The following DNA2 variants were observed in gnomAD, a reference collection of about 807,000 sequenced individuals.
DNA2 encodes DNA replication helicase/nuclease 2.
Under a neutral mutation model 119.1 loss-of-function variants are expected in DNA2, and 101 were observed. The observed-to-expected ratio is 0.85, with a 90% CI of 0.72 to 1.00. The LOEUF (loss-of-function observed/expected upper bound fraction) is 1.00. Among genes scored for constraint, DNA2 ranks in the 50% least tolerant of loss-of-function variants. DNA2 has a pLI of 0.00. For missense variants in DNA2, 1,121 were observed against 1,255.5 expected (o/e 0.89, Z 1.62); for synonymous variants, 366 against 424.4 (o/e 0.86, Z 1.69).
Position 68,431,953 on chromosome 10 carries a change from C to T in DNA2, c.1892G>A (p.Arg631Lys). The part of the protein sequence containing the change: ...CILKGLNKPQ[R>K]QAMKKVLLSK... ...AAGAAGTACCTTTTTCATCGCTTGC[C>T]TCTGAGGCTTATTCAAACCTACATT... Residue 631 changes from arginine to lysine, a missense_variant, in exon 13 of 21, where the codon AGG (arginine) becomes AAG (lysine). Coordinates refer to ENST00000358410, the MANE Select transcript of DNA2 (RefSeq NM_001080449.3). 6.2e-7 allele frequency: 1 copy of T among 1,612,738 alleles called. No homozygotes were observed. Among genetic ancestry groups the T allele is most frequent in the African/African-American group, 1.3e-5 (1 of 75,014 alleles).
intron 19 of DNA2, 116 bp downstream of exon 19, chr10:68,418,918 C>A: frequency 1.2e-6 from 1 of 832,226 alleles, no homozygotes; most frequent in Non-Finnish European, 1.8e-6. Flanking sequence ...GGTGATCCAC[C>A]CGCCTTGGCC....
chr10:68,439,603 C>T (rs971057052), intron 9 of DNA2, among the ~76,000 whole-genome samples: 4 of 150,906 alleles, frequency 2.7e-5, no homozygotes, highest in East Asian at 2.0e-4. Flanking sequence ...TTTGGGAGGC[C>T]GAAGCGTGTG....
chr10:68,437,194 A>T lies in DNA2; in HGVS notation c.1463T>A (p.Val488Glu). 1 of 1,613,060 alleles carries T rather than the reference A, an allele frequency of 6.2e-7. No individual in the cohort carries two copies. The highest frequency in any genetic ancestry group is 8.5e-7 in the Non-Finnish European group (1 of 1,179,118). The change falls in exon 10 of 21, where the codon GTA (valine) becomes GAA (glutamate). Residue 488 changes from valine to glutamate, a missense_variant. By Grantham distance (121) the Val-to-Glu change is moderately radical. Coordinates refer to ENST00000358410, the MANE Select transcript of DNA2 (RefSeq NM_001080449.3). ...CIGNLIRMEH[V>E]KIVCDGQYLH... ...ATATTGCCCATCACAAACTATCTTTACATGTTCCATTCTAATCAGGTTTCC... is the reference window on the plus strand; with the variant it reads ...ATATTGCCCATCACAAACTATCTTTTCATGTTCCATTCTAATCAGGTTTCC...
At chr10:68,463,443 CAAA>C (rs35470662) in intron 4 of DNA2, among the ~76,000 whole-genome samples, 6 of 59,446 alleles carry the variant, frequency 1.0e-4, no homozygotes, top group East Asian at 5.3e-4. Flanking sequence ...GACTCCATCT[CAAA>C]AAAAAAAAAA....
chr10:68,463,316 C>T (rs1347034196), intron 4 of DNA2, among the ~76,000 whole-genome samples: 1 of 151,630 alleles, frequency 6.6e-6, no homozygotes, highest in Non-Finnish European at 1.5e-5. Flanking sequence ...TGGTGGCGGC[C>T]GCCTGTAGTC....
chr10:68,463,456 A>C (rs1190806153), intron 4 of DNA2, among the ~76,000 whole-genome samples: 2 of 150,592 alleles, frequency 1.3e-5, no homozygotes, highest in Non-Finnish European at 2.9e-5. Flanking sequence ...AAAAAAAAAA[A>C]AAAAAAGATG....
At position 68,460,943 on chromosome 10, in the gene DNA2, G is replaced by A. The variant is rs536677075; in HGVS notation, c.588-1708C>T. ...AAAAAATCCAAATAACACTGAAACAGTGACATGACATCAAATTTCAGATAA... is the reference window on the plus strand; with the variant it reads ...AAAAAATCCAAATAACACTGAAACAATGACATGACATCAAATTTCAGATAA... On this transcript the variant is annotated intron_variant, in intron 4 of 20. Coordinates refer to ENST00000358410, the MANE Select transcript of DNA2 (RefSeq NM_001080449.3). Among the ~76,000 whole-genome samples, 6 of 151,692 alleles carry A rather than the reference G, an allele frequency of 4.0e-5. No individual in the cohort carries two copies. The South Asian group carries it at 1.2e-3, about 32-fold the overall frequency.
intron 20 of DNA2, 23 bp downstream of exon 20, chr10:68,416,686 C>T (rs1168069889): frequency 2.5e-6 from 4 of 1,597,996 alleles, no homozygotes; most frequent in Non-Finnish European, 2.6e-6. Flanking sequence ...CAAATGTGAC[C>T]ATATACAGAA....
chr10:68,418,191 A>G (rs1228294323), intron 19 of DNA2, among the ~76,000 whole-genome samples: 3 of 152,292 alleles, frequency 2.0e-5, no homozygotes, highest in South Asian at 4.1e-4. Flanking sequence ...AGGCAGGTGG[A>G]TCATCTGAGG....
rs188809720 is a variant in DNA2 at position 68,429,666 on chromosome 10, C to T, written c.2208+770G>A. On this transcript the variant is annotated intron_variant, in intron 14 of 20. Transcript: ENST00000358410. Reference sequence around the variant, plus strand: ...GGCGAAGCTTGCAGTGAGCCAGGATCGCGCCACTGCACTCCAGCCTGGGTG... The same window carrying T: ...GGCGAAGCTTGCAGTGAGCCAGGATTGCGCCACTGCACTCCAGCCTGGGTG... Among the ~76,000 whole-genome samples the T allele has an allele frequency of 1.5e-3, 174 of 118,480 alleles. 1 individual carries two copies. In the East Asian group the frequency reaches 0.039, roughly 26 times the overall value. 77.7% of individuals were successfully genotyped at this position (118,480 alleles called of 152,430 possible).
intron 19 of DNA2, among the ~76,000 whole-genome samples, chr10:68,417,559 T>C (rs1040478529): frequency 2.0e-5 from 3 of 148,722 alleles, no homozygotes; most frequent in Non-Finnish European, 3.0e-5. Context: ...GAGGCTGAGA[T>C]GGGAGAATCA....
At chr10:68,424,630 A>T in intron 14 of DNA2, 1 of 1,570,724 alleles carries the variant, frequency 6.4e-7, no homozygotes. Context: ...GCCCCCTTGC[A>T]CGTGCACCGG....
chr10:68,430,488 C>G lies in DNA2; in HGVS notation c.2156G>C (p.Arg719Thr). 1 of 1,611,686 alleles carries G rather than the reference C, an allele frequency of 6.2e-7. No individual in the cohort carries two copies. Among genetic ancestry groups the G allele is most frequent in the Non-Finnish European group, 8.5e-7 (1 of 1,178,866 alleles). The stretch of plus-strand genomic sequence containing the variant: ...AGCTAAGGATTTAATGGACTTTGAT[C>G]TGCAAATTTCTTGCTCTGTAAATTG... ...IQQFTEQEIC[R>T]SKSIKSLALL... The change falls in exon 14 of 21, where the codon AGA (arginine) becomes ACA (threonine). Residue 719 changes from arginine to threonine, a missense_variant. Arg to Thr is a moderately conservative substitution (Grantham distance 71). Coordinates refer to ENST00000358410, the MANE Select transcript of DNA2 (RefSeq NM_001080449.3).
chr10:68,421,095 C>G (rs921471116), intron 17 of DNA2, among the ~76,000 whole-genome samples: 4 of 151,968 alleles, frequency 2.6e-5, no homozygotes, highest in Admixed American at 1.3e-4. Flanking sequence ...CACCACCACA[C>G]CCAGTTAAGT....
chr10:68,460,031 A>ACG (rs959605049), intron 4 of DNA2, among the ~76,000 whole-genome samples: 2 of 9,790 alleles, frequency 2.0e-4, no homozygotes, highest in African/African-American at 3.9e-4. Flanking sequence ...CATCACAAAT[A>ACG]CACACACACA....
chr10:68,466,529 A>G (rs1159347697), intron 3 of DNA2, among the ~76,000 whole-genome samples: 1 of 151,294 alleles, frequency 6.6e-6, no homozygotes, highest in African/African-American at 2.4e-5. Context: ...ATTTTTCTCC[A>G]CTCAAAAAGA....
At chr10:68,440,289 T>G (rs879765338) in intron 9 of DNA2, among the ~76,000 whole-genome samples, 2 of 152,050 alleles carry the variant, frequency 1.3e-5, no homozygotes, top group Non-Finnish European at 2.9e-5. Context: ...TAAGACTTTT[T>G]TATTTTTTAT....
intron 14 of DNA2, among the ~76,000 whole-genome samples, chr10:68,428,705 A>C (rs1407636748): frequency 6.6e-6 from 1 of 152,212 alleles, no homozygotes; most frequent in Non-Finnish European, 1.5e-5. Flanking sequence ...AGGCTAAGTA[A>C]AAAACACCAA....
At chr10:68,436,822 G>T in intron 10 of DNA2, 189 bp downstream of exon 10, 1 of 538,218 alleles carries the variant, frequency 1.9e-6, no homozygotes, top group Non-Finnish European at 3.2e-6. Flanking sequence ...CTACTAAAGG[G>T]TATAGGGCTT....
Sources: allele counts gnomAD v4.1 joint callset (sites outside exome capture counted in the v4.1 genomes callset), GRCh38; gene constraint gnomAD v4.1.1; transcripts MANE v1.5; gene names NCBI Gene and HGNC (gene_info 2026-07-23, HGNC 2026-07-21).